Variants in CSMD1 observed in about 807,000 individuals in gnomAD.
CSMD1 encodes CUB and sushi domain-containing protein 1.
In CSMD1, 213 loss-of-function variants were observed where a neutral mutation model predicts 417.5. The ratio of observed to expected loss-of-function variants is 0.51; its 90% CI spans 0.46 to 0.57. CSMD1 has a LOEUF of 0.57. CSMD1 is among the 20% of genes least tolerant of loss of function. The pLI is 0.00. For synonymous variants in CSMD1, 2,862 were observed against 1,736.8 expected (o/e 1.65, Z -16.11); for missense variants, 6,923 against 4,529.7 (o/e 1.53, Z -15.17).
intron 3 of CSMD1, among the ~76,000 whole-genome samples, chr8:4,109,535 G>C (rs1446725402): frequency 6.6e-6 from 1 of 152,148 alleles, no homozygotes; most frequent in Non-Finnish European, 1.5e-5. Context: ...AGTCACTGAA[G>C]TTTTCAGGCA....
chr8:3,471,721 C>G lies in CSMD1; in HGVS notation c.1449-2897G>C, dbSNP rs550270418. On this transcript the variant is annotated intron_variant, in intron 11 of 69. Transcript: ENST00000635120. ...CCTTTCTTCTTTCCTTCCTTCCTTC[C>G]TTGCTTTCTGTTATCATTCCCTAAG... 5.4e-5 allele frequency among the ~76,000 whole-genome samples: 8 copies of G among 149,420 alleles called. 1 individual carries two copies. In the South Asian group the frequency reaches 1.5e-3, roughly 28 times the overall value.
intron 21 of CSMD1, among the ~76,000 whole-genome samples, chr8:3,354,318 T>C (rs935965764): frequency 6.6e-6 from 1 of 152,264 alleles, no homozygotes. Flanking sequence ...GGTGTATGGC[T>C]CTGGTTATTA....
chr8:4,643,784 GA>G (rs1474539354), intron 1 of CSMD1, among the ~76,000 whole-genome samples: 2 of 152,168 alleles, frequency 1.3e-5, no homozygotes, highest in African/African-American at 2.4e-5. Context: ...GCATTATGGG[GA>G]AAATAATTAA....
At chr8:3,241,214 TA>T (rs1490854330) in intron 26 of CSMD1, among the ~76,000 whole-genome samples, 1 of 151,308 alleles carries the variant, frequency 6.6e-6, no homozygotes, top group Non-Finnish European at 1.5e-5. Context: ...CAGGTGGGGA[TA>T]ACTAAAAAGG....
intron 5 of CSMD1, among the ~76,000 whole-genome samples, chr8:3,840,556 C>T (rs1035319652): frequency 6.6e-6 from 1 of 152,172 alleles, no homozygotes; most frequent in African/African-American, 2.4e-5. Flanking sequence ...AATCAAAATG[C>T]AAGCATGCCT....
chr8:4,017,591 C>G (rs1426165808), intron 4 of CSMD1, among the ~76,000 whole-genome samples: 1 of 152,144 alleles, frequency 6.6e-6, no homozygotes, highest in East Asian at 1.9e-4. Context: ...CAGGCGTGAG[C>G]CACCGTGCCC....
intron 10 of CSMD1, among the ~76,000 whole-genome samples, chr8:3,495,462 T>C (rs559870333): frequency 2.7e-4 from 41 of 152,282 alleles, no homozygotes; most frequent in African/African-American, 9.6e-4. Flanking sequence ...AAAAGGGCCA[T>C]TCTGTAATTA....
rs373861311 is a variant in CSMD1, at chr8:3,284,353, G to A, written c.3951-7C>T. The A allele has an allele frequency of 3.1e-5, 50 of 1,609,320 alleles. No homozygotes were observed. The highest frequency in any genetic ancestry group is 3.9e-5 in the Non-Finnish European group (46 of 1,176,686). On this transcript the variant is annotated splice_polypyrimidine_tract_variant and splice_region_variant and intron_variant, in intron 25 of 69. Coordinates refer to ENST00000635120, the MANE Select transcript of CSMD1 (RefSeq NM_033225.6). ...GAAAACAATGAAATGGAGGCTGCAA[G>A]AGAGAACACAGTAGCGCTACTTGCC...
intron 7 of CSMD1, among the ~76,000 whole-genome samples, chr8:3,632,876 G>T (rs1013453587): frequency 1.3e-5 from 2 of 152,138 alleles, no homozygotes; most frequent in South Asian, 4.1e-4. Context: ...TTTTAAGAAG[G>T]AAGTTCTCTG....
intron 10 of CSMD1, among the ~76,000 whole-genome samples, chr8:3,517,329 G>C (rs753379972): frequency 6.6e-6 from 1 of 152,158 alleles, no homozygotes; most frequent in Non-Finnish European, 1.5e-5. Context: ...GGCAATCCAA[G>C]TAAAATTTAA....
chr8:4,908,746 T>C (rs1426662284), intron 1 of CSMD1, among the ~76,000 whole-genome samples: 4 of 75,644 alleles, frequency 5.3e-5, no homozygotes, highest in African/African-American at 1.9e-4. Flanking sequence ...AGTAATTCAT[T>C]TTGATGCTTA....
chr8:4,132,240 A>G (rs1416185436), intron 3 of CSMD1, among the ~76,000 whole-genome samples: 2 of 144,160 alleles, frequency 1.4e-5, no homozygotes, highest in Non-Finnish European at 3.0e-5. Flanking sequence ...ACCCCTTTCT[A>G]ACATCTAGCA....
intron 3 of CSMD1, among the ~76,000 whole-genome samples, chr8:4,392,774 C>A (rs1407974995): frequency 1.3e-5 from 2 of 151,534 alleles, no homozygotes; most frequent in South Asian, 4.2e-4. Flanking sequence ...TTGAGAACAT[C>A]CTGGCCAACA....
chr8:4,798,112 A>T (rs2097520188), intron 1 of CSMD1, among the ~76,000 whole-genome samples: 1 of 152,190 alleles, frequency 6.6e-6, no homozygotes, highest in African/African-American at 2.4e-5. Context: ...TGCTGTACCC[A>T]ATAACTCATC....
At chr8:3,558,569 C>CTCCAATGATGAATAG (rs1281607050) in intron 10 of CSMD1, among the ~76,000 whole-genome samples, 3 of 148,786 alleles carry the variant, frequency 2.0e-5, no homozygotes, top group Non-Finnish European at 3.0e-5. Context: ...GTGTCCACTC[C>CTCCAATGATGAATAG]TGCAATGATG....
intron 23 of CSMD1, 88 bp downstream of exon 23, chr8:3,343,206 A>G: frequency 8.4e-7 from 1 of 1,183,724 alleles, no homozygotes; most frequent in African/African-American, 1.5e-5. Flanking sequence ...CCAGAAAAAA[A>G]TCAATATTTA....
At chr8:3,533,499 G>C (rs1395486792) in intron 10 of CSMD1, among the ~76,000 whole-genome samples, 2 of 152,074 alleles carry the variant, frequency 1.3e-5, no homozygotes, top group Non-Finnish European at 2.9e-5. Context: ...CCTGTGAGCA[G>C]CTTACTTCAC....
intron 12 of CSMD1, among the ~76,000 whole-genome samples, chr8:3,460,527 T>C (rs192080328): frequency 1.3e-5 from 2 of 152,120 alleles, no homozygotes; most frequent in Admixed American, 6.5e-5. Flanking sequence ...AAGAGTTTAG[T>C]AGCGGGGAGA....
intron 7 of CSMD1, among the ~76,000 whole-genome samples, chr8:3,673,171 G>A (rs1046032134): frequency 6.6e-6 from 1 of 152,096 alleles, no homozygotes; most frequent in African/African-American, 2.4e-5. Context: ...GTCATTAATG[G>A]GACACAGAAT....
Sources: allele counts gnomAD v4.1 joint callset (sites outside exome capture counted in the v4.1 genomes callset), GRCh38; gene constraint gnomAD v4.1.1; transcripts MANE v1.5; gene names NCBI Gene and HGNC (gene_info 2026-07-23, HGNC 2026-07-21).